Variants in TIAM1 observed in about 807,000 individuals in gnomAD.
TIAM1 encodes the protein TIAM Rac1 associated GEF 1, also known as rho guanine nucleotide exchange factor TIAM1.
TIAM1 carries 65 observed loss-of-function variants against 163.5 expected under a neutral mutation model. That is an observed-to-expected ratio of 0.40 (90% CI 0.33 to 0.49). The LOEUF (loss-of-function observed/expected upper bound fraction) is 0.49. Among genes scored for constraint, TIAM1 ranks in the 20% least tolerant of loss-of-function variants. TIAM1 has a pLI of 0.77. For synonymous variants in TIAM1, 833 were observed against 810.1 expected (o/e 1.03, Z -0.48); for missense variants, 1,789 against 2,044.7 (o/e 0.87, Z 2.41).
At position 31,178,303 on chromosome 21, in the gene TIAM1, C is replaced by CTTTTT. The variant is rs10671534; in HGVS notation, c.2887+4113_2887+4117dup. On this transcript the variant is annotated intron_variant, in intron 15 of 27. Coordinates refer to ENST00000541036, the MANE Select transcript of TIAM1 (RefSeq NM_001353694.2). ...CTACTTGACCAAGTATTCAGGAATT[C>CTTTTT]TTTTTTTTTTTTTTTTTTTTTTTGA... 1.3e-3 allele frequency among the ~76,000 whole-genome samples: 124 copies of CTTTTT among 96,148 alleles called. 2 individuals are homozygous for CTTTTT. The highest frequency in any genetic ancestry group is 0.011 in the East Asian group (30 of 2,694). The allele number at this position is 96,148 out of a possible 152,430, so 63.1% of individuals were successfully genotyped here.
At chr21:31,537,461 T>C (rs1435746211) in intron 1 of TIAM1, among the ~76,000 whole-genome samples, 1 of 141,702 alleles carries the variant, frequency 7.1e-6, no homozygotes, top group Non-Finnish European at 1.5e-5. Context: ...AAAAAAAAAG[T>C]ATTAATAGGG....
In TIAM1 at chr21:31,392,149, T is replaced by A. The variant is rs147332592; in HGVS notation, c.-368-52727A>T. On this transcript the variant is annotated intron_variant, in intron 2 of 28. Transcript: ENST00000286827. ...AAATGTATTTTCAACTTAAGGTATT[T>A]TCAACTTACGATGGGTTTACTGAGT... Among the ~76,000 whole-genome samples, 705 of 152,312 alleles carry A rather than the reference T, an allele frequency of 4.6e-3. 4 individuals carry two copies. Among genetic ancestry groups the A allele is most frequent in the African/African-American group, 0.016 (672 of 41,578 alleles).
intron 15 of TIAM1, among the ~76,000 whole-genome samples, chr21:31,181,464 G>C (rs978058292): frequency 6.8e-6 from 1 of 147,004 alleles, no homozygotes; most frequent in Non-Finnish European, 1.5e-5. Context: ...GCTTCTAGTA[G>C]AATGAGCACA....
intron 16 of TIAM1, chr21:31,160,586 G>T (rs186512785): frequency 2.5e-6 from 1 of 398,456 alleles, no homozygotes; most frequent in Admixed American, 4.4e-5. Flanking sequence ...TGTTCAGCAC[G>T]GAGACAGAAG....
intron 12 of TIAM1, 48 bp from the exon 13 acceptor site, chr21:31,195,353 T>C (rs1395041371): frequency 2.2e-6 from 3 of 1,342,818 alleles, no homozygotes; most frequent in African/African-American, 2.9e-5. Flanking sequence ...TATAACTAAC[T>C]TTTAAAAATG....
At chr21:31,428,649 G>A (rs550960055) in intron 2 of TIAM1, among the ~76,000 whole-genome samples, 4 of 152,124 alleles carry the variant, frequency 2.6e-5, no homozygotes, top group East Asian at 1.9e-4. Flanking sequence ...TTGGGAGGTC[G>A]AGGCAGGCAA....
chr21:31,165,049 G>A lies in TIAM1; in HGVS notation c.2904C>T (p.Ser968=), dbSNP rs146229915. The A allele has an allele frequency of 4.1e-4, 655 of 1,613,784 alleles. No homozygotes were observed. Among genetic ancestry groups the A allele is most frequent in the Non-Finnish European group, 5.2e-4 (613 of 1,180,022 alleles). Residue 968 remains serine (S), a synonymous_variant, in exon 16 of 28, where the codon AGC becomes AGT. Transcript: ENST00000541036. Reference sequence around the variant, plus strand: ...CGGTCTCAGCACTGCTGCCCTGCTCGCTGCAAAGGCTGTGCCCTGTCAGAT... The same window carrying A: ...CGGTCTCAGCACTGCTGCCCTGCTCACTGCAAAGGCTGTGCCCTGTCAGAT... ...LTSNPGHSLC[S]EQGSSAETAP...
chr21:31,217,292 C>T (rs533816710), intron 9 of TIAM1, among the ~76,000 whole-genome samples: 7 of 151,720 alleles, frequency 4.6e-5, no homozygotes, highest in South Asian at 4.2e-4. Context: ...GTGAATTGTG[C>T]GCTTTGAGTA....
chr21:31,336,569 C>G (rs985448741), intron 2 of TIAM1, among the ~76,000 whole-genome samples: 1 of 147,572 alleles, frequency 6.8e-6, no homozygotes, highest in African/African-American at 2.5e-5. Flanking sequence ...GCAACGTTGA[C>G]ATTTCTTTGG....
rs1353909049 is a variant in TIAM1, at chr21:31,210,584, A to AAGAG, written c.2218-370_2218-369insCTCT. On this transcript the variant is annotated intron_variant, in intron 10 of 27. Coordinates refer to ENST00000541036, the MANE Select transcript of TIAM1 (RefSeq NM_001353694.2). ...AAAGAAAGAAAGAAAGAAAGAAAGA[A>AAGAG]AGAAAGAAAGAGAGAAAGAAGGAAG... is the stretch of plus-strand genomic sequence containing the variant. Among the ~76,000 whole-genome samples, 10 of 118,430 alleles carry AAGAG rather than the reference A, an allele frequency of 8.4e-5. 1 individual carries two copies. The highest frequency in any genetic ancestry group is 1.5e-4 in the Non-Finnish European group (9 of 61,752). The allele number at this position is 118,430 out of a possible 152,430, so 77.7% of individuals were successfully genotyped here.
At chr21:31,193,478 C>T (rs2085665662) in intron 13 of TIAM1, among the ~76,000 whole-genome samples, 1 of 152,194 alleles carries the variant, frequency 6.6e-6, no homozygotes, top group Non-Finnish European at 1.5e-5. Flanking sequence ...TCTCAGGTGT[C>T]CTCACAACTT....
At chr21:31,307,925 T>G (rs2074778651) in intron 2 of TIAM1, among the ~76,000 whole-genome samples, 1 of 152,122 alleles carries the variant, frequency 6.6e-6, no homozygotes, top group South Asian at 2.1e-4. Context: ...CCAAGTTAAT[T>G]CAATCAGAGT....
intron 2 of TIAM1, among the ~76,000 whole-genome samples, chr21:31,312,585 C>T (rs995126799): frequency 1.6e-4 from 24 of 152,146 alleles, no homozygotes; most frequent in African/African-American, 4.8e-4. Flanking sequence ...AACATACATA[C>T]ACCCAAAAGG....
intron 2 of TIAM1, among the ~76,000 whole-genome samples, chr21:31,309,400 G>A (rs1209893407): frequency 1.3e-5 from 2 of 152,184 alleles, no homozygotes; most frequent in Non-Finnish European, 2.9e-5. Context: ...TGAGGTTGCA[G>A]GGAGCCAAGA....
chr21:31,380,101 A>G (rs1400845549), intron 2 of TIAM1, among the ~76,000 whole-genome samples: 1 of 152,076 alleles, frequency 6.6e-6, no homozygotes, highest in Non-Finnish European at 1.5e-5. Context: ...TGTCTCTACT[A>G]AAAATACAAA....
At chr21:31,388,528 C>A (rs1011197112) in intron 2 of TIAM1, among the ~76,000 whole-genome samples, 1 of 151,986 alleles carries the variant, frequency 6.6e-6, no homozygotes, top group East Asian at 1.9e-4. Flanking sequence ...CATGGTGATG[C>A]ACACCTATAG....
chr21:31,546,951 A>G (rs1339364434), intron 1 of TIAM1, among the ~76,000 whole-genome samples: 1 of 99,332 alleles, frequency 1.0e-5, no homozygotes, highest in African/African-American at 4.8e-5. Flanking sequence ...GCTGTGCCCC[A>G]AAATAGTGGG....
chr21:31,355,699 G>A (rs898978157), intron 2 of TIAM1, among the ~76,000 whole-genome samples: 26 of 152,018 alleles, frequency 1.7e-4, no homozygotes, highest in Admixed American at 3.9e-4. Flanking sequence ...CTACAGGCGC[G>A]TGCCACCACA....
Position 31,223,468 on chromosome 21 carries a change from G to C in TIAM1, c.1933C>G (p.Arg645Gly). ...CGGCCCATGGCCACTTTCGTTGGTC[G>C]ACTTGCAAAAGCGAGAAGCCTTTTG... ...NPKRLLAFAS[R>G]PTKVAMGRLG... The change falls in exon 8 of 28, where the codon CGA (arginine) becomes GGA (glycine). Residue 645 changes from arginine (R) to glycine (G), a missense_variant. Arg to Gly is a moderately radical substitution (Grantham distance 125). Coordinates refer to ENST00000541036, the MANE Select transcript of TIAM1 (RefSeq NM_001353694.2). 1 of 1,613,960 alleles carries C rather than the reference G, an allele frequency of 6.2e-7. No homozygotes were observed. The highest frequency in any genetic ancestry group is 8.5e-7 in the Non-Finnish European group (1 of 1,179,928).
Sources: allele counts gnomAD v4.1 joint callset (sites outside exome capture counted in the v4.1 genomes callset), GRCh38; gene constraint gnomAD v4.1.1; transcripts MANE v1.5; gene names NCBI Gene and HGNC (gene_info 2026-07-23, HGNC 2026-07-21).